The following IFT122 variants were observed in gnomAD, a reference collection of about 807,000 sequenced individuals.
IFT122 encodes the protein intraflagellar transport protein 122 homolog.
A neutral mutation model predicts 161.6 loss-of-function variants in IFT122; 118 were observed. The ratio of observed to expected loss-of-function variants is 0.73; its 90% confidence interval spans 0.63 to 0.85. The LOEUF is 0.85. Among genes scored for constraint, IFT122 ranks in the 40% least tolerant of loss-of-function variants. The probability of loss-of-function intolerance (pLI) is 0.00; values close to 1 mark genes in which losing one functional copy is unlikely to be tolerated. For synonymous variants in IFT122, 550 were observed against 602.4 expected, an observed-to-expected ratio of 0.91 and a Z score of 1.27; for missense variants, 1,381 against 1,579.6, an observed-to-expected ratio of 0.87 and a Z score of 2.13.
In IFT122 at chr3:129,517,359, G is replaced by A. The variant is rs2084095180; in HGVS notation, c.3266-110G>A. ...GCCCCTGCTGCCTCTTCTTGCTTTT[G>A]GTGAAGCTGCCAGTGGGTTGAGAAG... On this transcript the variant is annotated intron_variant, in intron 26 of 29. Transcript: ENST00000348417. 4 of 1,425,052 alleles carry A rather than the reference G, an allele frequency of 2.8e-6. No homozygotes were observed. The African/African-American group carries it at 5.7e-5, about 20-fold the overall frequency. 88.3% of individuals were successfully genotyped at this position (1,425,052 alleles called of 1,614,324 possible). A position where few individuals can be genotyped will look rare whatever the true frequency, so the allele number is the denominator to read the frequency against.
intron 9 of IFT122, among the ~76,000 whole-genome samples, chr3:129,469,867 A>G (rs1312840878): frequency 1.3e-5 from 2 of 152,254 alleles, no homozygotes; most frequent in Non-Finnish European, 1.5e-5. Context: ...TGGGAAAGTG[A>G]TAGCCTCTAC....
At chr3:129,499,535 TGAGA>T (rs2081284210) in intron 18 of IFT122, among the ~76,000 whole-genome samples, 2 of 152,200 alleles carry the variant, frequency 1.3e-5, no homozygotes, top group South Asian at 4.1e-4. Context: ...CCAAACTATG[TGAGA>T]GAGAGACAGC....
Position 129,483,066 on chromosome 3 carries a change from G to A in IFT122, c.1654-419G>A, listed in dbSNP as rs141621923. 3.3e-3 allele frequency among the ~76,000 whole-genome samples: 499 copies of A among 152,266 alleles called. 3 individuals carry two copies. The highest frequency in any genetic ancestry group is 0.011 in the African/African-American group (459 of 41,556). On this transcript the variant is annotated intron_variant, in intron 14 of 29. Coordinates refer to ENST00000348417, the MANE Select transcript of IFT122 (RefSeq NM_052989.3). ...CCAGGAGACATCAGCATTCCCAGCT[G>A]TAACATTGCCTGCTGGCTTTTCCTC...
chr3:129,497,571 C>A (rs1206657499), intron 18 of IFT122, among the ~76,000 whole-genome samples: 1 of 152,234 alleles, frequency 6.6e-6, no homozygotes, highest in Non-Finnish European at 1.5e-5. Context: ...TGAGGCCCCT[C>A]CTTACACTGT....
At chr3:129,453,020 C>T (rs544583856) in intron 3 of IFT122, among the ~76,000 whole-genome samples, 2 of 152,086 alleles carry the variant, frequency 1.3e-5, no homozygotes, top group Non-Finnish European at 2.9e-5. Flanking sequence ...AGTTGCCCCC[C>T]CCACTGAGAT....
At position 129,458,622 on chromosome 3, in the gene IFT122, G is replaced by C. The variant is rs2108026232; in HGVS notation, c.217G>C (p.Ala73Pro). Reference protein sequence around the residue: ...KDGKRFASGSADKSVIIWTSK... With the variant: ...KDGKRFASGSPDKSVIIWTSK... The stretch of plus-strand genomic sequence containing the variant: ...AGGCAAGCGCTTTGCTTCTGGATCA[G>C]CTGACAAAAGCGTTATTATCTGGAC... Residue 73 changes from alanine (A) to proline (P), a missense_variant, in exon 4 of 30, where the codon GCT (alanine) becomes CCT (proline). Coordinates refer to ENST00000348417, the MANE Select transcript of IFT122 (RefSeq NM_052989.3). The C allele has an allele frequency of 6.2e-7, 1 of 1,614,102 alleles. No individual in the cohort carries two copies. Among genetic ancestry groups the C allele is most frequent in the South Asian group, 1.1e-5 (1 of 91,084 alleles).
intron 14 of IFT122, among the ~76,000 whole-genome samples, chr3:129,482,165 G>A (rs780651091): frequency 2.0e-5 from 3 of 152,340 alleles, no homozygotes; most frequent in East Asian, 1.9e-4. Context: ...GGATGGGCAA[G>A]CCTGGCCTTC....
intron 7 of IFT122, among the ~76,000 whole-genome samples, chr3:129,466,606 A>G (rs753232109): frequency 2.0e-5 from 3 of 149,574 alleles, no homozygotes; most frequent in African/African-American, 7.4e-5. Flanking sequence ...GGTTCAAGCA[A>G]TCCTCTCACC....
At chr3:129,486,477 A>G (rs754216600) in intron 15 of IFT122, among the ~76,000 whole-genome samples, 9 of 152,236 alleles carry the variant, frequency 5.9e-5, no homozygotes, top group Non-Finnish European at 1.2e-4. Context: ...CTAAATTGCA[A>G]CAGGCTGTAC....
In IFT122 at chr3:129,481,678, A is replaced by C. The variant is rs775418373; in HGVS notation, c.1637A>C (p.Lys546Thr). 6.2e-7 allele frequency: 1 copy of C among 1,614,000 alleles called. No individual in the cohort carries two copies. Among genetic ancestry groups the C allele is most frequent in the Admixed American group, 1.7e-5 (1 of 60,006 alleles). Residue 546 changes from lysine (K) to threonine (T), a missense_variant, in exon 14 of 30, where the codon AAG becomes ACG. Physicochemically the swap from Lys to Thr is moderately conservative, Grantham distance 78 (BLOSUM62 -1). Coordinates refer to ENST00000348417, the MANE Select transcript of IFT122 (RefSeq NM_052989.3). Reference sequence around the variant, plus strand: ...TGCCTGGTGTATGACATCGACACCAAGGAGCTGCTTTTTCAGGTGAAGTCC... The same window carrying C: ...TGCCTGGTGTATGACATCGACACCACGGAGCTGCTTTTTCAGGTGAAGTCC... ...DTCLVYDIDT[K>T]ELLFQEPNAN...
chr3:129,449,043 C>T (rs950660152), intron 1 of IFT122, among the ~76,000 whole-genome samples: 1 of 152,092 alleles, frequency 6.6e-6, no homozygotes, highest in African/African-American at 2.4e-5. Context: ...TCAGGCTGCT[C>T]TTTGTTAGAA....
intron 3 of IFT122, among the ~76,000 whole-genome samples, chr3:129,455,831 C>G (rs2075410420): frequency 6.6e-6 from 1 of 152,020 alleles, no homozygotes; most frequent in East Asian, 1.9e-4. Context: ...AATATATTTA[C>G]TCTTCATTAA....
intron 9 of IFT122, among the ~76,000 whole-genome samples, chr3:129,471,779 C>T (rs1191368202): frequency 6.6e-6 from 1 of 152,102 alleles, no homozygotes; most frequent in Non-Finnish European, 1.5e-5. Flanking sequence ...CAAACCCATA[C>T]TTTTGTGTTA....
chr3:129,504,714 C>T (rs2108565434), intron 21 of IFT122, among the ~76,000 whole-genome samples: 1 of 152,294 alleles, frequency 6.6e-6, no homozygotes, highest in Middle Eastern at 3.4e-3. Flanking sequence ...GTGTATCTTC[C>T]CGTTTAATCC....
chr3:129,509,609 A>G (rs1301517499), intron 23 of IFT122, among the ~76,000 whole-genome samples: 1 of 152,272 alleles, frequency 6.6e-6, no homozygotes, highest in Non-Finnish European at 1.5e-5. Context: ...AACAGTAAGT[A>G]ATAACTCATT....
intron 4 of IFT122, among the ~76,000 whole-genome samples, chr3:129,460,244 C>T (rs141270433): frequency 1.9e-3 from 286 of 152,276 alleles, no homozygotes; most frequent in African/African-American, 6.5e-3. Flanking sequence ...CCCCTGAAAA[C>T]CAGCATTCTA....
chr3:129,482,502 G>T (rs1265036653), intron 14 of IFT122, among the ~76,000 whole-genome samples: 4 of 152,116 alleles, frequency 2.6e-5, no homozygotes, highest in Admixed American at 6.5e-5. Flanking sequence ...CCCTTACCAG[G>T]CTCCTCCTTG....
At chr3:129,507,836 A>G in intron 23 of IFT122, 74 bp downstream of exon 23, 1 of 1,104,068 alleles carries the variant, frequency 9.1e-7, no homozygotes, top group Non-Finnish European at 1.4e-6. Flanking sequence ...TCTAAAGAGC[A>G]GCAGACTGGA....
At position 129,497,568 on chromosome 3, in the gene IFT122, C is replaced by T. The variant is rs531015578; in HGVS notation, c.2208+1961C>T. ...CCACTCCTGCCCCTGCTCTGAGGCCCCTCCTTACACTGTGGTGGACTTCGT... is the reference window on the plus strand; with the variant it reads ...CCACTCCTGCCCCTGCTCTGAGGCCTCTCCTTACACTGTGGTGGACTTCGT... On this transcript the variant is annotated intron_variant, in intron 18 of 29. Coordinates refer to ENST00000348417, the MANE Select transcript of IFT122 (RefSeq NM_052989.3). Among the ~76,000 whole-genome samples, 9 of 152,308 alleles carry T rather than the reference C, an allele frequency of 5.9e-5. 1 individual carries two copies. In the South Asian group the frequency reaches 1.9e-3, roughly 32 times the overall value.
Sources: allele counts gnomAD v4.1 joint callset (sites outside exome capture counted in the v4.1 genomes callset), GRCh38; gene constraint gnomAD v4.1.1; transcripts MANE v1.5; gene names NCBI Gene and HGNC (gene_info 2026-07-23, HGNC 2026-07-21).